The following GRID2 variants were observed in gnomAD, a reference collection of about 807,000 sequenced individuals.
GRID2 encodes the protein glutamate receptor ionotropic, delta-2.
A neutral mutation model predicts 114.8 loss-of-function variants in GRID2; 33 were observed. The observed-to-expected ratio is 0.29, with a 90% confidence interval of 0.22 to 0.38. The LOEUF is 0.38. Ranked by LOEUF, GRID2 falls within the 10% of genes least tolerant of loss-of-function variation. The pLI is 1.00. For missense variants in GRID2, 1,184 were observed against 1,257.7 expected (o/e 0.94, Z 0.89); for synonymous variants, 505 against 449.9 (o/e 1.12, Z -1.55).
chr4:93,032,524 T>C (rs1236242979), intron 2 of GRID2, among the ~76,000 whole-genome samples: 1 of 152,198 alleles, frequency 6.6e-6, no homozygotes, highest in African/African-American at 2.4e-5. Context: ...TCTTATATTC[T>C]AAGGAATAAA....
intron 2 of GRID2, among the ~76,000 whole-genome samples, chr4:92,767,469 A>C (rs1455381240): frequency 6.6e-6 from 1 of 152,154 alleles, no homozygotes; most frequent in African/African-American, 2.4e-5. Context: ...AATAGTAATG[A>C]TACTACTTAT....
intron 8 of GRID2, among the ~76,000 whole-genome samples, chr4:93,290,941 G>A (rs1163452191): frequency 7.1e-6 from 1 of 140,342 alleles, no homozygotes; most frequent in Non-Finnish European, 1.5e-5. Context: ...GCAGTGGCGC[G>A]ATCTCCGCTC....
At chr4:93,533,246 CT>C (rs1190738034) in intron 13 of GRID2, among the ~76,000 whole-genome samples, 1 of 1,946 alleles carries the variant, frequency 5.1e-4, no homozygotes, top group Non-Finnish European at 1.1e-3. Flanking sequence ...TTCTTTCTCT[CT>C]TCCTTCCTTC....
At chr4:93,691,098 T>C (rs1309936619) in intron 14 of GRID2, among the ~76,000 whole-genome samples, 1 of 151,608 alleles carries the variant, frequency 6.6e-6, no homozygotes, top group African/African-American at 2.4e-5. Flanking sequence ...GCTTTTAATA[T>C]CAGGTTATTT....
chr4:93,616,971 G>A (rs957811845), intron 13 of GRID2, among the ~76,000 whole-genome samples: 17 of 148,210 alleles, frequency 1.1e-4, no homozygotes, highest in African/African-American at 2.8e-4. Flanking sequence ...CAGCCTGGGC[G>A]ACAGAATGAG....
chr4:93,008,963 A>G (rs1290652530), intron 2 of GRID2, among the ~76,000 whole-genome samples: 5 of 152,082 alleles, frequency 3.3e-5, no homozygotes, highest in Non-Finnish European at 7.4e-5. Context: ...CTCTTCACAA[A>G]GTATAGGCCC....
At chr4:93,561,350 T>C (rs1292526505) in intron 13 of GRID2, among the ~76,000 whole-genome samples, 1 of 152,114 alleles carries the variant, frequency 6.6e-6, no homozygotes, top group Non-Finnish European at 1.5e-5. Flanking sequence ...TTTTCTTAAA[T>C]TGTGTTTATC....
chr4:93,238,558 C>A, intron 8 of GRID2, 68 bp downstream of exon 8: 8 of 1,378,660 alleles, frequency 5.8e-6, no homozygotes, highest in East Asian at 2.4e-5. Context: ...GTTTTCCATG[C>A]AGTATGATCA....
intron 2 of GRID2, among the ~76,000 whole-genome samples, chr4:92,859,085 C>A (rs1744362845): frequency 6.6e-6 from 1 of 152,058 alleles, no homozygotes; most frequent in South Asian, 2.1e-4. Context: ...ACAGAGAAAT[C>A]TTTTGTGAAA....
intron 4 of GRID2, among the ~76,000 whole-genome samples, chr4:93,204,539 C>T (rs2149465292): frequency 6.6e-6 from 1 of 152,240 alleles, no homozygotes; most frequent in Middle Eastern, 3.4e-3. Context: ...CTTGCTGACC[C>T]TAAGCAACAG....
At chr4:92,651,066 A>G (rs1259357745) in intron 2 of GRID2, among the ~76,000 whole-genome samples, 1 of 152,148 alleles carries the variant, frequency 6.6e-6, no homozygotes, top group Non-Finnish European at 1.5e-5. Flanking sequence ...ATTGATCAGA[A>G]ACAATGCTGT....
chr4:93,526,552 G>C (rs1452028367), intron 13 of GRID2, among the ~76,000 whole-genome samples: 2 of 152,326 alleles, frequency 1.3e-5, no homozygotes, highest in Non-Finnish European at 1.5e-5. Flanking sequence ...GCTCACGCCT[G>C]TAATCCCAGC....
intron 14 of GRID2, among the ~76,000 whole-genome samples, chr4:93,739,566 A>G (rs915521064): frequency 1.7e-4 from 26 of 152,108 alleles, no homozygotes; most frequent in Non-Finnish European, 7.4e-5. Context: ...CCTTGGTCTA[A>G]TCACTCACCT....
intron 2 of GRID2, among the ~76,000 whole-genome samples, chr4:92,819,681 A>G (rs1436163273): frequency 6.6e-6 from 1 of 152,166 alleles, no homozygotes; most frequent in Admixed American, 6.6e-5. Context: ...ATATTTGACT[A>G]CCAACTGCAG....
intron 10 of GRID2, among the ~76,000 whole-genome samples, chr4:93,450,423 A>G (rs1366057898): frequency 6.6e-6 from 1 of 151,960 alleles, no homozygotes; most frequent in Non-Finnish European, 1.5e-5. Flanking sequence ...AACACATGAT[A>G]CTTGGTATAT....
chr4:93,455,093 A>C (rs1723061560), intron 10 of GRID2, among the ~76,000 whole-genome samples: 1 of 152,130 alleles, frequency 6.6e-6, no homozygotes, highest in Non-Finnish European at 1.5e-5. Context: ...TCTGAAGTTT[A>C]TACAATACAA....
intron 13 of GRID2, among the ~76,000 whole-genome samples, chr4:93,545,142 T>G (rs1351867535): frequency 2.0e-5 from 3 of 152,150 alleles, no homozygotes; most frequent in Admixed American, 2.0e-4. Context: ...AATAAGACAG[T>G]CAAGGTCTCT....
At chr4:93,335,694 C>CTTTTTTTTTTTTTTTTTTTTT (rs55823712) in intron 8 of GRID2, among the ~76,000 whole-genome samples, 1 of 141,726 alleles carries the variant, frequency 7.1e-6, no homozygotes, top group African/African-American at 2.7e-5. Context: ...TTTCTTCTTT[C>CTTTTTTTTTTTTTTTTTTTTT]TTTTTTTTTT....
At chr4:92,780,007 A>G (rs1738992969) in intron 2 of GRID2, among the ~76,000 whole-genome samples, 1 of 152,068 alleles carries the variant, frequency 6.6e-6, no homozygotes, top group South Asian at 2.1e-4. Flanking sequence ...GAAAGTTAAT[A>G]GAGAGAAATG....
Sources: allele counts gnomAD v4.1 joint callset (sites outside exome capture counted in the v4.1 genomes callset), GRCh38; gene constraint gnomAD v4.1.1; transcripts MANE v1.5; gene names NCBI Gene and HGNC (gene_info 2026-07-23, HGNC 2026-07-21).